Variants in CFAP221 observed in about 807,000 individuals in gnomAD.
CFAP221 encodes the protein cilia and flagella associated protein 221, also known as cilia- and flagella-associated protein 221.
CFAP221 carries 97 observed loss-of-function variants against 113.1 expected under a neutral mutation model. The ratio of observed to expected loss-of-function variants is 0.86; its 90% CI spans 0.73 to 1.02. The LOEUF (loss-of-function observed/expected upper bound fraction) is 1.02. Among genes scored for constraint, CFAP221 ranks in the 50% least tolerant of loss-of-function variants. The probability of loss-of-function intolerance (pLI) is 0.00; values close to 1 mark genes in which losing one functional copy is unlikely to be tolerated. For synonymous variants in CFAP221, 331 were observed against 354.4 expected (o/e 0.93, Z 0.74); for missense variants, 1,025 against 1,013.4 (o/e 1.01, Z -0.16).
intron 7 of CFAP221, among the ~76,000 whole-genome samples, chr2:119,593,467 AG>A (rs1574080194): frequency 6.6e-6 from 1 of 152,186 alleles, no homozygotes; most frequent in Non-Finnish European, 1.5e-5. Context: ...CTATGGTAGA[AG>A]GCAAAGGGAG....
intron 6 of CFAP221, among the ~76,000 whole-genome samples, chr2:119,567,308 CTG>C (rs1681723217): frequency 6.6e-6 from 1 of 152,208 alleles, no homozygotes; most frequent in Non-Finnish European, 1.5e-5. Flanking sequence ...CTGGCAACCA[CTG>C]TTTATTTTTT....
chr2:119,641,787 G>T (rs1687506783), intron 21 of CFAP221, among the ~76,000 whole-genome samples: 1 of 152,160 alleles, frequency 6.6e-6, no homozygotes, highest in Non-Finnish European at 1.5e-5. Context: ...TTGACAGACT[G>T]CCTCATTTTG....
intron 14 of CFAP221, among the ~76,000 whole-genome samples, chr2:119,618,147 C>G (rs1354629498): frequency 6.6e-6 from 1 of 152,232 alleles, no homozygotes; most frequent in Non-Finnish European, 1.5e-5. Context: ...TGTCATCCCA[C>G]TTTGCCTCCT....
chr2:119,641,936 G>C (rs1687517557), intron 21 of CFAP221, among the ~76,000 whole-genome samples: 1 of 152,154 alleles, frequency 6.6e-6, no homozygotes, highest in African/African-American at 2.4e-5. Context: ...TTGTCAGCGT[G>C]TACCGTTCTT....
At chr2:119,554,802 T>C (rs1680673396) in intron 3 of CFAP221, among the ~76,000 whole-genome samples, 1 of 152,194 alleles carries the variant, frequency 6.6e-6, no homozygotes, top group South Asian at 2.1e-4. Context: ...CCAAGATGCA[T>C]TTTAAAATAA....
At chr2:119,611,771 G>C in intron 13 of CFAP221, 29 bp downstream of exon 13, 1 of 1,521,156 alleles carries the variant, frequency 6.6e-7, no homozygotes. Context: ...TTTAGAATCT[G>C]ATTATTGGCA....
chr2:119,611,721 G>A lies in CFAP221; in HGVS notation c.1290G>A (p.Arg430=), dbSNP rs760124993. 5.0e-6 allele frequency: 8 copies of A among 1,613,568 alleles called. No individual in the cohort carries two copies. In the South Asian group the frequency reaches 8.8e-5, roughly 18 times the overall value. The change falls in exon 13 of 24, where the codon CGG becomes CGA. Residue 430 remains arginine (R), a synonymous_variant. Transcript: ENST00000413369. ...TTAAAACAGAAGTTAGCCATAAACG[G>A]GTTGTTCGCAATCAAGAAGAGGTGG... ...QRLKTEVSHK[R]VVRNQEEKIK... is the part of the protein sequence containing the mutation.
chr2:119,627,694 G>A lies in CFAP221; in HGVS notation c.1558G>A (p.Asp520Asn), dbSNP rs145345487. Residue 520 changes from aspartate to asparagine, a missense_variant, in exon 16 of 24, where the codon GAT becomes AAT. Coordinates refer to ENST00000413369, the MANE Select transcript of CFAP221 (RefSeq NM_001271049.2). ...ATTCTTCCTGAGGCGGATCAGTCAG[G>A]ATGATTATACCAGCCGGTTCTCTGT... is the stretch of plus-strand genomic sequence containing the variant. ...FKFFLRRISQ[D>N]DYTSRFSVSP... is the part of the protein sequence containing the mutation. 26 of 1,613,488 alleles carry A rather than the reference G, an allele frequency of 1.6e-5. No homozygotes were observed. Among genetic ancestry groups the A allele is most frequent in the Admixed American group, 8.3e-5 (5 of 59,944 alleles).
intron 6 of CFAP221, among the ~76,000 whole-genome samples, chr2:119,567,425 T>C (rs1681732732): frequency 6.6e-6 from 1 of 152,226 alleles, no homozygotes; most frequent in Non-Finnish European, 1.5e-5. Context: ...TTAAGTTTCC[T>C]CCATATCTTT....
At chr2:119,606,308 A>C (rs1684758203) in intron 11 of CFAP221, among the ~76,000 whole-genome samples, 1 of 151,832 alleles carries the variant, frequency 6.6e-6, no homozygotes, top group African/African-American at 2.4e-5. Context: ...GCTAAAGTAA[A>C]CTGGGCTGAA....
intron 11 of CFAP221, among the ~76,000 whole-genome samples, chr2:119,608,197 C>G (rs1345981054): frequency 6.6e-6 from 1 of 152,160 alleles, no homozygotes. Context: ...ATCATCATAG[C>G]CATCCCAGTG....
intron 16 of CFAP221, among the ~76,000 whole-genome samples, chr2:119,628,294 G>GGTGT (rs70949303): frequency 0.027 from 3,780 of 137,552 alleles, 60 homozygotes; most frequent in South Asian, 0.033. Flanking sequence ...CTCTCTGGGG[G>GGTGT]GTGTGTGTGT....
rs181996133 is a variant in CFAP221, at chr2:119,547,860, A to G, written c.140-1225A>G. 2.0e-3 allele frequency among the ~76,000 whole-genome samples: 305 copies of G among 152,352 alleles called. 3 individuals are homozygous for G. Among genetic ancestry groups the G allele is most frequent in the Non-Finnish European group, 4.6e-4 (31 of 68,036 alleles). ...TCTGTGCCTCATAAGATTTGGATGC[A>G]GTCAAAGTCAAATGTTATTATTTGT... On this transcript the variant is annotated intron_variant, in intron 2 of 23. Transcript: ENST00000413369.
At chr2:119,575,746 A>T (rs1416857143) in intron 6 of CFAP221, among the ~76,000 whole-genome samples, 4 of 152,246 alleles carry the variant, frequency 2.6e-5, no homozygotes, top group Non-Finnish European at 5.9e-5. Context: ...AGTACATTTT[A>T]TATTATGTAC....
intron 16 of CFAP221, 25 bp from the exon 17 acceptor site, chr2:119,629,850 C>G (rs1686641603): frequency 2.5e-6 from 4 of 1,571,508 alleles, no homozygotes; most frequent in Non-Finnish European, 3.5e-6. Flanking sequence ...TGATTGTTCT[C>G]TTTTTTTCTC....
rs536342785 is a variant in CFAP221 at position 119,619,346 on chromosome 2, G to T, written c.1410+3637G>T. On this transcript the variant is annotated intron_variant, in intron 14 of 23. Transcript: ENST00000413369. ...ACCTCATACGGGAGAGCTCCAGCTG[G>T]CATCTGGTGGGTGCCCCTCTGGGAT... is the stretch of plus-strand genomic sequence containing the variant. 6.2e-4 allele frequency among the ~76,000 whole-genome samples: 94 copies of T among 152,174 alleles called. 1 individual carries two copies. Among genetic ancestry groups the T allele is most frequent in the Non-Finnish European group, 1.2e-3 (80 of 68,034 alleles).
intron 22 of CFAP221, chr2:119,648,641 C>T (rs1440606197): frequency 1.3e-5 from 2 of 158,434 alleles, no homozygotes; most frequent in African/African-American, 4.8e-5. Context: ...TATTAAACTA[C>T]CTCTGGGGAG....
At chr2:119,614,099 CAAAG>C (rs1290804669) in intron 13 of CFAP221, among the ~76,000 whole-genome samples, 2 of 152,226 alleles carry the variant, frequency 1.3e-5, no homozygotes, top group African/African-American at 2.4e-5. Flanking sequence ...TTTGCTAAAA[CAAAG>C]AAAGAGTCAC....
At chr2:119,595,849 A>G (rs1410925544) in intron 7 of CFAP221, among the ~76,000 whole-genome samples, 2 of 152,140 alleles carry the variant, frequency 1.3e-5, no homozygotes, top group Non-Finnish European at 2.9e-5. Flanking sequence ...GCTTAGACCC[A>G]GTTAACAAAA....
Sources: allele counts gnomAD v4.1 joint callset (sites outside exome capture counted in the v4.1 genomes callset), GRCh38; gene constraint gnomAD v4.1.1; transcripts MANE v1.5; gene names NCBI Gene and HGNC (gene_info 2026-07-23, HGNC 2026-07-21).